Variants in GRIK4 observed in about 807,000 individuals in gnomAD.
The protein encoded by GRIK4 is glutamate ionotropic receptor kainate type subunit 4, also known as glutamate receptor ionotropic, kainate 4.
A neutral mutation model predicts 104.9 loss-of-function variants in GRIK4; 40 were observed. That is an observed-to-expected ratio of 0.38 (90% CI 0.30 to 0.50). GRIK4 has a LOEUF of 0.50. Among genes scored for constraint, GRIK4 ranks in the 20% least tolerant of loss-of-function variants. GRIK4 has a pLI of 0.93. For synonymous variants in GRIK4, 485 were observed against 524.9 expected (o/e 0.92, Z 1.04); for missense variants, 1,047 against 1,308.1 (o/e 0.80, Z 3.08).
At chr11:120,807,458 G>T (rs551828338) in intron 4 of GRIK4, among the ~76,000 whole-genome samples, 1 of 152,084 alleles carries the variant, frequency 6.6e-6, no homozygotes, top group Non-Finnish European at 1.5e-5. Flanking sequence ...AACTAGAGGC[G>T]CCCTGGTTAT....
chr11:120,937,354 AG>A (rs1221697984), intron 13 of GRIK4, among the ~76,000 whole-genome samples: 3 of 152,208 alleles, frequency 2.0e-5, no homozygotes, highest in Non-Finnish European at 4.4e-5. Context: ...GTCTTTGACT[AG>A]GTAAAATAAC....
intron 1 of GRIK4, among the ~76,000 whole-genome samples, chr11:120,638,009 G>C (rs998549076): frequency 6.6e-6 from 1 of 151,838 alleles, no homozygotes; most frequent in African/African-American, 2.4e-5. Flanking sequence ...CCTCCTGAGT[G>C]CCTGGGATTA....
chr11:120,886,716 A>G (rs755025871), intron 11 of GRIK4, among the ~76,000 whole-genome samples: 75 of 152,250 alleles, frequency 4.9e-4, no homozygotes, highest in Admixed American at 1.3e-4. Context: ...AGAGAAGACC[A>G]GGAATGAGCA....
At chr11:120,815,204 G>T (rs1422555904) in intron 4 of GRIK4, among the ~76,000 whole-genome samples, 174 bp from the exon 5 acceptor site, 1 of 152,270 alleles carries the variant, frequency 6.6e-6, no homozygotes, top group African/African-American at 2.4e-5. Context: ...CTGGAGCCCA[G>T]TCGTCCAGGG....
intron 13 of GRIK4, among the ~76,000 whole-genome samples, chr11:120,913,809 G>A (rs1159236020): frequency 4.7e-5 from 7 of 149,134 alleles, no homozygotes; most frequent in Admixed American, 4.0e-4. Context: ...CAGGCTGTTC[G>A]TGGCCTCAAT....
intron 1 of GRIK4, among the ~76,000 whole-genome samples, chr11:120,540,685 G>A (rs1466545502): frequency 2.0e-5 from 3 of 152,136 alleles, no homozygotes; most frequent in Admixed American, 1.3e-4. Context: ...CTAACACCCA[G>A]GGGATCATTG....
intron 19 of GRIK4, among the ~76,000 whole-genome samples, chr11:120,970,969 T>C (rs1944465072): frequency 1.3e-5 from 2 of 152,154 alleles, no homozygotes; most frequent in Non-Finnish European, 2.9e-5. Flanking sequence ...TCAGTTTCCG[T>C]CTCTGGAAAA....
chr11:120,681,658 G>A lies in GRIK4; in HGVS notation c.82+21258G>A, dbSNP rs559460385. On this transcript the variant is annotated intron_variant, in intron 3 of 20. Transcript: ENST00000527524. ...GAGCGTAATGAGAACAGAGAACAGC[G>A]GCGGCCCACTTAGTTTGGATTTTAA... Among the ~76,000 whole-genome samples, 10 of 152,334 alleles carry A rather than the reference G, an allele frequency of 6.6e-5. No homozygotes were observed. In the South Asian group the frequency reaches 1.5e-3, roughly 22 times the overall value.
Position 120,799,532 on chromosome 11 carries a change from A to G in GRIK4, c.83-3161A>G, listed in dbSNP as rs150287520. Reference sequence around the variant, plus strand: ...GGAAGACAAGCTTGGTCAGGGTGCAAGGTCTGGAGTCAGGCTGACCTGGGC... The same window carrying G: ...GGAAGACAAGCTTGGTCAGGGTGCAGGGTCTGGAGTCAGGCTGACCTGGGC... On this transcript the variant is annotated intron_variant, in intron 3 of 20. Coordinates refer to ENST00000527524, the MANE Select transcript of GRIK4 (RefSeq NM_014619.5). Among the ~76,000 whole-genome samples the G allele has an allele frequency of 4.5e-3, 688 of 152,296 alleles. 11 individuals carry two copies. The highest frequency in any genetic ancestry group is 0.016 in the African/African-American group (657 of 41,546).
chr11:120,691,987 C>T (rs1950372295), intron 3 of GRIK4, among the ~76,000 whole-genome samples: 1 of 152,174 alleles, frequency 6.6e-6, no homozygotes, highest in Non-Finnish European at 1.5e-5. Flanking sequence ...TGAGCAATAC[C>T]CTCCTATGAT....
At chr11:120,924,722 T>A (rs1591290246) in intron 13 of GRIK4, among the ~76,000 whole-genome samples, 1 of 152,144 alleles carries the variant, frequency 6.6e-6, no homozygotes, top group Admixed American at 6.5e-5. Context: ...TTGCTGTGGG[T>A]CTCAAGAACG....
chr11:120,841,180 T>C (rs1403150423), intron 8 of GRIK4, among the ~76,000 whole-genome samples: 1 of 152,148 alleles, frequency 6.6e-6, no homozygotes, highest in Non-Finnish European at 1.5e-5. Context: ...TACATCCACA[T>C]TGTTATGCAA....
chr11:120,669,230 T>C (rs1949973229), intron 3 of GRIK4, among the ~76,000 whole-genome samples: 1 of 152,190 alleles, frequency 6.6e-6, no homozygotes, highest in Non-Finnish European at 1.5e-5. Flanking sequence ...GCAGCATTTT[T>C]TGAAACCTTA....
At chr11:120,630,547 G>A (rs771724770) in intron 1 of GRIK4, among the ~76,000 whole-genome samples, 1 of 152,270 alleles carries the variant, frequency 6.6e-6, no homozygotes, top group Non-Finnish European at 1.5e-5. Flanking sequence ...AAAAGCAGAC[G>A]CCGGCCTCCT....
intron 7 of GRIK4, 76 bp downstream of exon 7, chr11:120,832,106 G>A (rs1953446727): frequency 3.9e-6 from 4 of 1,028,660 alleles, no homozygotes; most frequent in Non-Finnish European, 5.7e-6. Flanking sequence ...GTCCTCCTGA[G>A]CTGAGGCTGA....
intron 1 of GRIK4, among the ~76,000 whole-genome samples, chr11:120,621,957 G>A (rs1464372387): frequency 6.6e-6 from 1 of 151,910 alleles, no homozygotes; most frequent in Admixed American, 6.6e-5. Flanking sequence ...CTGGAGTCCG[G>A]TGGTGCAATC....
At position 120,829,735 on chromosome 11, in the gene GRIK4, A is replaced by G. The variant is rs183797340; in HGVS notation, c.512-2117A>G. On this transcript the variant is annotated intron_variant, in intron 6 of 20. Coordinates refer to ENST00000527524, the MANE Select transcript of GRIK4 (RefSeq NM_014619.5). ...TCATCCTCCTTTGCCCATTCTACAG[A>G]TGAAGAATGGAGCTTTGAAGAGGTT... is the stretch of plus-strand genomic sequence containing the variant. Among the ~76,000 whole-genome samples, 26 of 152,310 alleles carry G rather than the reference A, an allele frequency of 1.7e-4. No individual in the cohort carries two copies. In the East Asian group the frequency reaches 4.6e-3, roughly 27 times the overall value.
chr11:120,849,046 A>G (rs1234561631), intron 8 of GRIK4, among the ~76,000 whole-genome samples: 1 of 152,284 alleles, frequency 6.6e-6, no homozygotes, highest in Non-Finnish European at 1.5e-5. Flanking sequence ...ATGTTTGACA[A>G]ATAGCATGAC....
intron 4 of GRIK4, among the ~76,000 whole-genome samples, chr11:120,809,720 G>A (rs1436986287): frequency 6.6e-6 from 1 of 152,198 alleles, no homozygotes; most frequent in Non-Finnish European, 1.5e-5. Context: ...GCAGGCGCAG[G>A]CCCACAAACC....
Sources: allele counts gnomAD v4.1 joint callset (sites outside exome capture counted in the v4.1 genomes callset), GRCh38; gene constraint gnomAD v4.1.1; transcripts MANE v1.5; gene names NCBI Gene and HGNC (gene_info 2026-07-23, HGNC 2026-07-21).